TOX3: variants seen among roughly 807,000 people sequenced by gnomAD.
TOX3 encodes TOX high mobility group box family member 3.
TOX3 carries 22 observed loss-of-function variants against 64.3 expected under a neutral mutation model. The ratio of observed to expected loss-of-function variants is 0.34; its 90% CI spans 0.24 to 0.49. The LOEUF (loss-of-function observed/expected upper bound fraction) is 0.49. Ranked by LOEUF, TOX3 falls within the 20% of genes least tolerant of loss-of-function variation. The probability of loss-of-function intolerance (pLI) is 0.99; values close to 1 mark genes in which losing one functional copy is unlikely to be tolerated. For synonymous variants in TOX3, 291 were observed against 273.6 expected (o/e 1.06, Z -0.63); for missense variants, 661 against 714.4 (o/e 0.93, Z 0.85).
intron 4 of TOX3, 122 bp downstream of exon 4, chr16:52,450,155 A>G: frequency 8.7e-7 from 1 of 1,148,386 alleles, no homozygotes; most frequent in Non-Finnish European, 1.2e-6. Flanking sequence ...AAACCATCAT[A>G]CATTTAAATG....
At chr16:52,444,403 A>G in intron 5 of TOX3, 47 bp from the exon 6 acceptor site, 1 of 1,465,736 alleles carries the variant, frequency 6.8e-7, no homozygotes, top group Non-Finnish European at 9.3e-7. Flanking sequence ...ATAAATTCTC[A>G]GCTATAAAAT....
chr16:52,482,507 G>T (rs898067589), intron 1 of TOX3, among the ~76,000 whole-genome samples: 1 of 152,148 alleles, frequency 6.6e-6, no homozygotes, highest in Non-Finnish European at 1.5e-5. Context: ...AAAAACAGAT[G>T]TAAAAGTTCT....
intron 5 of TOX3, 141 bp from the exon 6 acceptor site, chr16:52,444,497 A>AC: frequency 2.1e-6 from 1 of 484,116 alleles, no homozygotes. Context: ...ATGTTAGCGC[A>AC]TGCACACACA....
At chr16:52,532,970 A>C (rs569919408) in intron 1 of TOX3, among the ~76,000 whole-genome samples, 2 of 152,334 alleles carry the variant, frequency 1.3e-5, no homozygotes, top group East Asian at 3.9e-4. Context: ...GAATGATTGA[A>C]GTTTGATCTG....
intron 1 of TOX3, among the ~76,000 whole-genome samples, chr16:52,534,784 T>C (rs182702561): frequency 6.6e-6 from 1 of 152,302 alleles, no homozygotes; most frequent in Admixed American, 6.5e-5. Flanking sequence ...AAACTGGTTT[T>C]TAAAATGTCA....
rs1464913298 is a variant in TOX3 at position 52,519,804 on chromosome 16, AT to A, written c.87+26832del. Among the ~76,000 whole-genome samples the A allele has an allele frequency of 2.1e-3, 315 of 151,318 alleles. 1 individual carries two copies. Among genetic ancestry groups the A allele is most frequent in the African/African-American group, 7.5e-3 (307 of 40,886 alleles). The stretch of plus-strand genomic sequence containing the variant: ...GAGAGCTTATCTCTACAAAAAAAAA[AT>A]TAAAAAATTAGATGAGCAGGGTGGC... On this transcript the variant is annotated intron_variant, in intron 1 of 6. Transcript: ENST00000219746.
intron 3 of TOX3, among the ~76,000 whole-genome samples, chr16:52,457,079 A>G (rs1960541000): frequency 6.6e-6 from 1 of 152,180 alleles, no homozygotes; most frequent in South Asian, 2.1e-4. Flanking sequence ...AACTTGCTCT[A>G]ATTTCCTTAA....
intron 2 of TOX3, 148 bp from the exon 3 acceptor site, chr16:52,464,336 G>C: frequency 1.1e-6 from 1 of 943,334 alleles, no homozygotes; most frequent in Non-Finnish European, 1.4e-6. Flanking sequence ...CTTAAACACA[G>C]ATTTCCATAT....
intron 1 of TOX3, among the ~76,000 whole-genome samples, chr16:52,530,164 A>G (rs1596863064): frequency 6.6e-6 from 1 of 152,378 alleles, no homozygotes; most frequent in East Asian, 1.9e-4. Context: ...ATCCTGTGTC[A>G]AAACCATTAC....
intron 1 of TOX3, among the ~76,000 whole-genome samples, chr16:52,528,002 T>A (rs1291129509): frequency 6.6e-6 from 1 of 152,108 alleles, no homozygotes; most frequent in African/African-American, 2.4e-5. Context: ...AACAAAGAAC[T>A]ATTTAGCCCA....
intron 1 of TOX3, among the ~76,000 whole-genome samples, chr16:52,529,264 T>C (rs771957488): frequency 6.6e-6 from 1 of 152,218 alleles, no homozygotes; most frequent in South Asian, 2.1e-4. Context: ...GCAAGTACTG[T>C]AAATAAAGAA....
Position 52,469,683 on chromosome 16 carries a change from G to C in TOX3, c.88-1109C>G, listed in dbSNP as rs185675022. Among the ~76,000 whole-genome samples the C allele has an allele frequency of 2.6e-5, 4 of 152,162 alleles. No individual in the cohort carries two copies. The South Asian group carries it at 8.3e-4, about 32-fold the overall frequency. The stretch of plus-strand genomic sequence containing the variant: ...ATGGATGGATGGAGATAAATGGGTA[G>C]GTACATAGATAAATACACAGATAAA... On this transcript the variant is annotated intron_variant, in intron 1 of 6. Transcript: ENST00000219746.
chr16:52,449,859 A>AG (rs1165618924), intron 4 of TOX3, among the ~76,000 whole-genome samples: 1 of 152,274 alleles, frequency 6.6e-6, no homozygotes, highest in African/African-American at 2.4e-5. Context: ...CGAAGCCGCA[A>AG]GGCTGTCAAA....
intron 1 of TOX3, among the ~76,000 whole-genome samples, chr16:52,472,874 G>A (rs568935742): frequency 5.3e-4 from 81 of 152,264 alleles, no homozygotes; most frequent in African/African-American, 1.9e-3. Flanking sequence ...CCCAAAGATA[G>A]AGTCCCCAAA....
Position 52,534,554 on chromosome 16 carries a change from T to C in TOX3, c.87+12083A>G, listed in dbSNP as rs143597728. ...CAGGAAGCTAAATCAGGAGGTTTGC[T>C]TGAACCCAGGAGTTTGAGGCTGCAG... is the stretch of plus-strand genomic sequence containing the variant. On this transcript the variant is annotated intron_variant, in intron 1 of 6. Coordinates refer to ENST00000219746, the MANE Select transcript of TOX3 (RefSeq NM_001080430.4). 3.1e-3 allele frequency among the ~76,000 whole-genome samples: 469 copies of C among 152,052 alleles called. 4 individuals are homozygous for C. Among genetic ancestry groups the C allele is most frequent in the African/African-American group, 0.011 (450 of 41,484 alleles).
intron 1 of TOX3, among the ~76,000 whole-genome samples, chr16:52,480,265 A>G (rs1961333275): frequency 6.6e-6 from 1 of 152,234 alleles, no homozygotes; most frequent in South Asian, 2.1e-4. Context: ...CATCAAATTC[A>G]GGTGAACCAC....
intron 1 of TOX3, among the ~76,000 whole-genome samples, chr16:52,543,802 C>T (rs940667789): frequency 1.3e-5 from 2 of 152,176 alleles, no homozygotes; most frequent in African/African-American, 4.8e-5. Flanking sequence ...CCATTCTCCA[C>T]AGACACAGTA....
intron 3 of TOX3, among the ~76,000 whole-genome samples, chr16:52,462,272 C>T (rs771308595): frequency 6.6e-6 from 1 of 152,058 alleles, no homozygotes; most frequent in Admixed American, 6.6e-5. Flanking sequence ...AAAATTGAGT[C>T]CTCTTTCCCA....
rs761352778 is a variant in TOX3 at position 52,439,373 on chromosome 16, G to C, written c.1583C>G (p.Pro528Arg). Residue 528 changes from proline to arginine, a missense_variant, in exon 7 of 7, where the codon CCT (proline) becomes CGT (arginine). Around this residue, in one of 3 missense-constraint regions of TOX3, gnomAD observed 299 missense variants for 292.1 expected, o/e 1.02. Coordinates refer to ENST00000219746, the MANE Select transcript of TOX3 (RefSeq NM_001080430.4). ...GACAGGGGAGTGCTGCCGAGGAGAAGGCTGAGACTGGTGCTGCATGTGTTG... is the reference window on the plus strand; with the variant it reads ...GACAGGGGAGTGCTGCCGAGGAGAACGCTGAGACTGGTGCTGCATGTGTTG... The part of the protein sequence containing the change: ...QLQHMQHQSQ[P>R]SPRQHSPVAS... 1 of 1,603,958 alleles carries C rather than the reference G, an allele frequency of 6.2e-7. No homozygotes were observed. The highest frequency in any genetic ancestry group is 1.3e-5 in the African/African-American group (1 of 74,882).
Sources: gnomAD v4.1 joint callset for allele counts (sites outside exome capture counted in the v4.1 genomes callset) on GRCh38, gnomAD v4.1.1 for gene constraint, gnomAD v4.1.1 regional missense constraint, MANE v1.5 for transcripts, NCBI Gene and HGNC (gene_info 2026-07-23, HGNC 2026-07-21) for gene names.